KIAA1217: variants seen among roughly 807,000 people sequenced by gnomAD.
KIAA1217 encodes the protein KIAA1217, also known as sickle tail protein homolog.
A neutral mutation model predicts 163.9 loss-of-function variants in KIAA1217; 88 were observed. The observed-to-expected ratio is 0.54, with a 90% CI of 0.45 to 0.64. KIAA1217 has a LOEUF of 0.64. Ranked by LOEUF, KIAA1217 falls within the 30% of genes least tolerant of loss-of-function variation. The probability of loss-of-function intolerance (pLI) is 0.00; values close to 1 mark genes in which losing one functional copy is unlikely to be tolerated. For synonymous variants in KIAA1217, 903 were observed against 923.1 expected (o/e 0.98, Z 0.39); for missense variants, 2,372 against 2,475.0 (o/e 0.96, Z 0.88).
intron 3 of KIAA1217, among the ~76,000 whole-genome samples, chr10:24,409,170 G>C (rs755704967): frequency 2.0e-5 from 3 of 152,170 alleles, no homozygotes; most frequent in Non-Finnish European, 4.4e-5. Flanking sequence ...GATTGGCTCA[G>C]ATCCCAAAGG....
chr10:23,787,932 C>T (rs1044510429), intron 1 of KIAA1217, among the ~76,000 whole-genome samples: 2 of 152,068 alleles, frequency 1.3e-5, no homozygotes, highest in Admixed American at 6.5e-5. Context: ...TGGTGGCTCA[C>T]ACCTATAATC....
chr10:24,214,662 A>C (rs544364953), intron 1 of KIAA1217, among the ~76,000 whole-genome samples: 3 of 152,214 alleles, frequency 2.0e-5, no homozygotes, highest in African/African-American at 7.2e-5. Context: ...GCCACGGTAC[A>C]CCCAGAGAGG....
intron 2 of KIAA1217, among the ~76,000 whole-genome samples, chr10:24,288,509 A>T (rs1325723968): frequency 6.6e-6 from 1 of 152,236 alleles, no homozygotes; most frequent in Non-Finnish European, 1.5e-5. Context: ...GAGCAGTTCC[A>T]TTAACCTGTC....
At chr10:23,746,345 T>C (rs894920763) in intron 1 of KIAA1217, among the ~76,000 whole-genome samples, 6 of 152,226 alleles carry the variant, frequency 3.9e-5, no homozygotes, top group Admixed American at 2.6e-4. Flanking sequence ...CCTTGCTTCT[T>C]GAACAGCCTG....
intron 1 of KIAA1217, among the ~76,000 whole-genome samples, chr10:23,995,626 G>A (rs1009455046): frequency 7.2e-5 from 11 of 152,044 alleles, no homozygotes; most frequent in Non-Finnish European, 8.8e-5. Flanking sequence ...TAAGATACCC[G>A]GGAATAGATA....
chr10:24,393,577 G>A (rs2055289386), intron 3 of KIAA1217, among the ~76,000 whole-genome samples: 1 of 152,202 alleles, frequency 6.6e-6, no homozygotes, highest in Non-Finnish European at 1.5e-5. Flanking sequence ...TTCATATGTT[G>A]AAGTCCTAAC....
At chr10:24,100,525 G>A (rs939108704) in intron 2 of KIAA1217, among the ~76,000 whole-genome samples, 7 of 152,128 alleles carry the variant, frequency 4.6e-5, no homozygotes, top group Non-Finnish European at 8.8e-5. Context: ...TGATCCACAA[G>A]GTTGACTGTA....
Position 24,251,136 on chromosome 10 carries a change from G to A in KIAA1217, c.354+31227G>A, listed in dbSNP as rs534668729. Reference sequence around the variant, plus strand: ...AGCTACTCAGGAGGCTGAGGCATGAGAATCACTTGAACCCAGGAGGCGGAG... The same window carrying A: ...AGCTACTCAGGAGGCTGAGGCATGAAAATCACTTGAACCCAGGAGGCGGAG... On this transcript the variant is annotated intron_variant, in intron 2 of 20. Coordinates refer to ENST00000376454, the MANE Select transcript of KIAA1217 (RefSeq NM_019590.5). 2.0e-3 allele frequency among the ~76,000 whole-genome samples: 310 copies of A among 152,124 alleles called. 2 individuals are homozygous for A. Among genetic ancestry groups the A allele is most frequent in the African/African-American group, 7.3e-3 (303 of 41,524 alleles).
At chr10:23,945,010 G>A (rs1240292034) in intron 1 of KIAA1217, among the ~76,000 whole-genome samples, 1 of 146,448 alleles carries the variant, frequency 6.8e-6, no homozygotes, top group African/African-American at 2.6e-5. Context: ...AGTGAGAAGT[G>A]ATCATACCAT....
intron 2 of KIAA1217, among the ~76,000 whole-genome samples, chr10:24,365,109 C>G (rs113371610): frequency 2.0e-5 from 3 of 152,266 alleles, no homozygotes; most frequent in African/African-American, 7.2e-5. Flanking sequence ...CCATCCTCCC[C>G]TACTTTCTTG....
At chr10:24,354,680 T>C (rs1017920570) in intron 2 of KIAA1217, among the ~76,000 whole-genome samples, 4 of 146,506 alleles carry the variant, frequency 2.7e-5, no homozygotes, top group Non-Finnish European at 1.5e-5. Flanking sequence ...GCCAATCTCC[T>C]CTCTCACCAT....
At chr10:24,058,505 A>C (rs1321022414) in intron 2 of KIAA1217, among the ~76,000 whole-genome samples, 1 of 152,122 alleles carries the variant, frequency 6.6e-6, no homozygotes, top group Non-Finnish European at 1.5e-5. Flanking sequence ...TAACAATATT[A>C]AGTCTTCCTA....
chr10:23,831,329 A>G (rs935368842), intron 1 of KIAA1217, among the ~76,000 whole-genome samples: 1 of 152,152 alleles, frequency 6.6e-6, no homozygotes, highest in African/African-American at 2.4e-5. Context: ...ACAAACAAAC[A>G]AAAAGAGTAA....
At chr10:23,895,814 A>G (rs1313022556) in intron 1 of KIAA1217, among the ~76,000 whole-genome samples, 1 of 151,950 alleles carries the variant, frequency 6.6e-6, no homozygotes, top group Non-Finnish European at 1.5e-5. Context: ...ATGCAGTCAT[A>G]AAAAATGATG....
In KIAA1217 at chr10:23,898,304, T is replaced by TACAC. The variant is rs35343854; in HGVS notation, c.-320-108901_-320-108898dup. Among the ~76,000 whole-genome samples the TACAC allele has an allele frequency of 4.0e-3, 602 of 149,308 alleles. 3 individuals are homozygous for TACAC. The highest frequency in any genetic ancestry group is 6.1e-3 in the Non-Finnish European group (411 of 67,144). ...TTCTATATTTATAAGACTATATATA[T>TACAC]ACACACACACACACACACACACATA... is the stretch of plus-strand genomic sequence containing the variant. On this transcript the variant is annotated intron_variant, in intron 1 of 18. Transcript: ENST00000376462.
chr10:24,060,281 G>A (rs2060673478), intron 2 of KIAA1217, among the ~76,000 whole-genome samples: 1 of 151,468 alleles, frequency 6.6e-6, no homozygotes, highest in Non-Finnish European at 1.5e-5. Flanking sequence ...TTCTCTCTTA[G>A]CACTGTTTTT....
intron 2 of KIAA1217, among the ~76,000 whole-genome samples, chr10:24,007,880 T>C (rs1847068786): frequency 6.6e-6 from 1 of 152,128 alleles, no homozygotes; most frequent in Non-Finnish European, 1.5e-5. Flanking sequence ...AAGAGCAAAA[T>C]TAATTTTCCA....
chr10:24,473,270 G>A lies in KIAA1217; in HGVS notation c.889G>A (p.Ala297Thr). ...LVYARGDGPGAPRPGSTAHPP... is the reference protein window; with the variant it reads ...LVYARGDGPGTPRPGSTAHPP... Reference sequence around the variant, plus strand: ...TTATGCAAGAGGAGATGGCCCTGGGGCCCCTCGCCCCGGATCTACTGCTCA... The same window carrying A: ...TTATGCAAGAGGAGATGGCCCTGGGACCCCTCGCCCCGGATCTACTGCTCA... The change falls in exon 6 of 21, where the codon GCC becomes ACC. Residue 297 changes from alanine to threonine, a missense_variant. By Grantham distance (58) the Ala-to-Thr change is moderately conservative. Around this residue, in one of 3 missense-constraint regions of KIAA1217, gnomAD observed 1,431 missense variants for 1,470.3 expected, o/e 0.97. Transcript: ENST00000376454. The A allele has an allele frequency of 6.6e-7, 1 of 1,520,568 alleles. No homozygotes were observed. Among genetic ancestry groups the A allele is most frequent in the South Asian group, 1.3e-5 (1 of 75,214 alleles). The allele number at this position is 1,520,568 out of a possible 1,614,324, so 94.2% of individuals were successfully genotyped here.
At chr10:24,320,782 A>G (rs2044032387) in intron 2 of KIAA1217, among the ~76,000 whole-genome samples, 1 of 152,156 alleles carries the variant, frequency 6.6e-6, no homozygotes, top group South Asian at 2.1e-4. Context: ...AGTGGCTCAT[A>G]CTTGTAATCC....
Sources: gnomAD v4.1 joint callset for allele counts (sites outside exome capture counted in the v4.1 genomes callset) on GRCh38, gnomAD v4.1.1 for gene constraint, gnomAD v4.1.1 regional missense constraint, MANE v1.5 for transcripts, NCBI Gene and HGNC (gene_info 2026-07-23, HGNC 2026-07-21) for gene names.